Variants in RTN4IP1 observed in about 807,000 individuals in gnomAD.
RTN4IP1 encodes NAD(P)H oxidoreductase RTN4IP1, mitochondrial.
A neutral mutation model predicts 46.6 loss-of-function variants in RTN4IP1; 32 were observed. The observed-to-expected ratio is 0.69, with a 90% CI of 0.52 to 0.92. The LOEUF (loss-of-function observed/expected upper bound fraction) is 0.92. Ranked by LOEUF, RTN4IP1 falls within the 40% of genes least tolerant of loss-of-function variation. The pLI is 0.00. For synonymous variants in RTN4IP1, 167 were observed against 161.8 expected, an observed-to-expected ratio of 1.03 and a Z score of -0.24; for missense variants, 424 against 485.8, an observed-to-expected ratio of 0.87 and a Z score of 1.20.
At chr6:106,572,199 CCA>C in intron 8 of RTN4IP1, 96 bp from the exon 9 acceptor site, 3 of 986,062 alleles carry the variant, frequency 3.0e-6, no homozygotes, top group Non-Finnish European at 4.8e-6. Flanking sequence ...GTCCCTCAAG[CCA>C]CAGTCTCTCT....
intron 8 of RTN4IP1, among the ~76,000 whole-genome samples, chr6:106,578,555 A>G (rs12525311): frequency 0.073 from 11,087 of 152,346 alleles, 592 homozygotes; most frequent in East Asian, 0.2. Flanking sequence ...TGTAGGCATG[A>G]GGCACGTCAG....
intron 6 of RTN4IP1, among the ~76,000 whole-genome samples, chr6:106,589,170 GT>G (rs1775562078): frequency 2.8e-5 from 1 of 35,698 alleles, no homozygotes; most frequent in Non-Finnish European, 5.3e-5. Context: ...GGAGGAGGCG[GT>G]GGAGGAGGAG....
intron 8 of RTN4IP1, among the ~76,000 whole-genome samples, chr6:106,581,052 A>G (rs1195130736): frequency 6.6e-6 from 1 of 151,704 alleles, no homozygotes; most frequent in Non-Finnish European, 1.5e-5. Context: ...AGAGAGAGAG[A>G]GGAAAAAAAT....
chr6:106,596,971 T>A (rs1429533011), intron 5 of RTN4IP1, among the ~76,000 whole-genome samples: 1 of 152,202 alleles, frequency 6.6e-6, no homozygotes, highest in Non-Finnish European at 1.5e-5. Flanking sequence ...TTTATTTCTC[T>A]TATAAGTCAC....
intron 3 of RTN4IP1, among the ~76,000 whole-genome samples, chr6:106,619,897 C>T (rs533466692): frequency 1.3e-5 from 2 of 151,802 alleles, no homozygotes; most frequent in Admixed American, 6.6e-5. Flanking sequence ...AGGCGTAAGC[C>T]ACCGCGCCTG....
chr6:106,629,410 G>C lies in RTN4IP1; in HGVS notation c.-389C>G. On this transcript the variant is annotated 5_prime_UTR_variant, in exon 1 of 9. Coordinates refer to ENST00000369063, the MANE Select transcript of RTN4IP1 (RefSeq NM_032730.5). ...AGACACCGCTCGCGATCCAACGCCA[G>C]AGAATCGAACGCTTGCCGACTGCCG... is the stretch of plus-strand genomic sequence containing the variant. 1.7e-6 allele frequency: 1 copy of C among 578,084 alleles called. No homozygotes were observed. Among genetic ancestry groups the C allele is most frequent in the East Asian group, 2.9e-5 (1 of 34,074 alleles). The allele number at this position is 578,084 out of a possible 1,614,324, so 35.8% of individuals were successfully genotyped here. A position where few individuals can be genotyped will look rare whatever the true frequency, so the allele number is the denominator to read the frequency against.
chr6:106,629,311 G>A lies in RTN4IP1; in HGVS notation c.-290C>T, dbSNP rs1776748378. 5.7e-6 allele frequency: 3 copies of A among 527,006 alleles called. No homozygotes were observed. The highest frequency in any genetic ancestry group is 3.8e-5 in the African/African-American group (2 of 52,282). The allele number at this position is 527,006 out of a possible 1,614,324, so 32.6% of individuals were successfully genotyped here. The stretch of plus-strand genomic sequence containing the variant: ...CTCCACTTTAAAAAAAAAAGGGGGG[G>A]CGGGGCATTAAAAAGCAGGTGCGCA... On this transcript the variant is annotated 5_prime_UTR_variant, in exon 1 of 9. Transcript: ENST00000369063.
At chr6:106,626,359 A>C (rs1304768132) in intron 1 of RTN4IP1, among the ~76,000 whole-genome samples, 2 of 152,172 alleles carry the variant, frequency 1.3e-5, no homozygotes, top group East Asian at 1.9e-4. Context: ...GAAAAAAAAA[A>C]CAACTTCACT....
At chr6:106,627,433 C>T (rs1287889838) in intron 1 of RTN4IP1, among the ~76,000 whole-genome samples, 1 of 151,962 alleles carries the variant, frequency 6.6e-6, no homozygotes, top group Non-Finnish European at 1.5e-5. Context: ...TAAGTCAGAA[C>T]AAAAATATAA....
At chr6:106,578,388 A>C (rs552818711) in intron 8 of RTN4IP1, among the ~76,000 whole-genome samples, 1 of 152,300 alleles carries the variant, frequency 6.6e-6, no homozygotes, top group Non-Finnish European at 1.5e-5. Context: ...GACAAGTGCA[A>C]AGCTTTCCTC....
At chr6:106,579,160 C>T (rs1775298121) in intron 8 of RTN4IP1, among the ~76,000 whole-genome samples, 1 of 151,306 alleles carries the variant, frequency 6.6e-6, no homozygotes, top group Non-Finnish European at 1.5e-5. Context: ...CGCTTGAACC[C>T]AGGAGATGGA....
intron 5 of RTN4IP1, among the ~76,000 whole-genome samples, chr6:106,600,990 C>A (rs1775933402): frequency 6.6e-6 from 1 of 152,048 alleles, no homozygotes; most frequent in Non-Finnish European, 1.5e-5. Flanking sequence ...CTATGTTTAA[C>A]ATTTTGAGGA....
intron 4 of RTN4IP1, among the ~76,000 whole-genome samples, chr6:106,606,090 TA>T (rs1191667943): frequency 1.3e-5 from 2 of 152,066 alleles, no homozygotes; most frequent in Non-Finnish European, 2.9e-5. Context: ...TTAGAATTGA[TA>T]AACAAACTCA....
intron 5 of RTN4IP1, among the ~76,000 whole-genome samples, chr6:106,601,504 TTA>T (rs1382539494): frequency 6.6e-6 from 1 of 152,328 alleles, no homozygotes; most frequent in East Asian, 1.9e-4. Flanking sequence ...AGATTTTGTC[TTA>T]TGTTTCCTTC....
At chr6:106,603,947 A>G (rs923258697) in intron 4 of RTN4IP1, among the ~76,000 whole-genome samples, 1 of 152,188 alleles carries the variant, frequency 6.6e-6, no homozygotes, top group Non-Finnish European at 1.5e-5. Flanking sequence ...TGTTGACAGA[A>G]TTCATGAGAA....
intron 4 of RTN4IP1, among the ~76,000 whole-genome samples, chr6:106,605,816 C>CACAAA (rs1776053742): frequency 1.8e-3 from 8 of 4,490 alleles, no homozygotes; most frequent in African/African-American, 3.0e-3. Context: ...GACTCTGTCC[C>CACAAA]AAAAAAAAAA....
At chr6:106,583,477 TG>T in intron 7 of RTN4IP1, 57 bp from the exon 8 acceptor site, 4 of 1,409,182 alleles carry the variant, frequency 2.8e-6, no homozygotes, top group Non-Finnish European at 4.0e-6. Context: ...TCTGACTAAA[TG>T]CAGATTTAGG....
intron 4 of RTN4IP1, among the ~76,000 whole-genome samples, chr6:106,612,924 C>T (rs776306252): frequency 6.6e-6 from 1 of 152,162 alleles, no homozygotes; most frequent in Non-Finnish European, 1.5e-5. Context: ...AACATGCGCT[C>T]GCCATTGTTC....
chr6:106,604,736 T>C (rs1776020915), intron 4 of RTN4IP1, among the ~76,000 whole-genome samples: 1 of 152,100 alleles, frequency 6.6e-6, no homozygotes, highest in Admixed American at 6.5e-5. Flanking sequence ...CTCAAAATAA[T>C]TTGCTCTTCC....
Sources: allele counts gnomAD v4.1 joint callset (sites outside exome capture counted in the v4.1 genomes callset), GRCh38; gene constraint gnomAD v4.1.1; transcripts MANE v1.5; gene names NCBI Gene and HGNC (gene_info 2026-07-23, HGNC 2026-07-21).